Variants in DLG2 observed in about 807,000 individuals in gnomAD.
DLG2 encodes discs large MAGUK scaffold protein 2.
A neutral mutation model predicts 132.5 loss-of-function variants in DLG2; 45 were observed. The ratio of observed to expected loss-of-function variants is 0.34; its 90% CI spans 0.27 to 0.44. The LOEUF (loss-of-function observed/expected upper bound fraction) is 0.44. Among genes scored for constraint, DLG2 ranks in the 20% least tolerant of loss-of-function variants. The pLI is 1.00. For synonymous variants in DLG2, 424 were observed against 419.6 expected (o/e 1.01, Z -0.13); for missense variants, 1,045 against 1,196.9 (o/e 0.87, Z 1.87).
At position 83,778,899 on chromosome 11, in the gene DLG2, G is replaced by T. The variant is rs532762063; in HGVS notation, c.1825+7791C>A. Among the ~76,000 whole-genome samples the T allele has an allele frequency of 4.9e-4, 75 of 152,220 alleles. 1 individual carries two copies. In the Middle Eastern group the frequency reaches 0.041, roughly 83 times the overall value. ...AGGAAACAAAGGCAACTAGGAGAAG[G>T]TTATTAAAAGGATACAATAAGTGAA... On this transcript the variant is annotated intron_variant, in intron 18 of 27. Transcript: ENST00000376104.
At chr11:85,271,362 C>T (rs1477116132) in intron 4 of DLG2, among the ~76,000 whole-genome samples, 2 of 152,238 alleles carry the variant, frequency 1.3e-5, no homozygotes, top group African/African-American at 4.8e-5. Flanking sequence ...TTTGCTGCAG[C>T]GGTGGGGCAC....
intron 6 of DLG2, among the ~76,000 whole-genome samples, chr11:85,053,632 C>CAAAAAAAAAAAAAAAAAAAAAAA (rs574119257): frequency 1.1e-5 from 1 of 91,180 alleles, no homozygotes; most frequent in African/African-American, 4.7e-5. Flanking sequence ...ACTAAAAATA[C>CAAAAAAAAAAAAAAAAAAAAAAA]AAAAAAAAAA....
chr11:83,639,701 T>C (rs942947282), intron 18 of DLG2, among the ~76,000 whole-genome samples: 1 of 150,860 alleles, frequency 6.6e-6, no homozygotes, highest in Non-Finnish European at 1.5e-5. Flanking sequence ...GGCACATGTA[T>C]ACATATGTAA....
intron 7 of DLG2, among the ~76,000 whole-genome samples, chr11:84,427,211 G>T (rs564530977): frequency 6.6e-6 from 1 of 152,060 alleles, no homozygotes; most frequent in East Asian, 1.9e-4. Flanking sequence ...TAAATGAATG[G>T]TAGGAAGAAA....
chr11:85,506,261 T>G (rs1052736753), intron 3 of DLG2, among the ~76,000 whole-genome samples: 1 of 152,222 alleles, frequency 6.6e-6, no homozygotes, highest in Non-Finnish European at 1.5e-5. Flanking sequence ...CTGCTAGCTT[T>G]TGAATGTGTT....
chr11:84,477,750 A>G (rs904764076), intron 7 of DLG2, among the ~76,000 whole-genome samples: 7 of 152,204 alleles, frequency 4.6e-5, no homozygotes, highest in Admixed American at 1.3e-4. Flanking sequence ...TCTTGGGAGA[A>G]TATGAACATT....
intron 18 of DLG2, among the ~76,000 whole-genome samples, chr11:83,690,567 A>T (rs2080805451): frequency 1.3e-5 from 2 of 151,542 alleles, no homozygotes; most frequent in Non-Finnish European, 2.9e-5. Flanking sequence ...AACACTTATA[A>T]GGGGCAGACA....
At chr11:85,133,845 C>T (rs1312885074) in intron 5 of DLG2, among the ~76,000 whole-genome samples, 1 of 152,184 alleles carries the variant, frequency 6.6e-6, no homozygotes, top group African/African-American at 2.4e-5. Flanking sequence ...CCCCAAATCC[C>T]TCCCTTTCTT....
chr11:84,767,679 T>C (rs534787412), intron 6 of DLG2, among the ~76,000 whole-genome samples: 9 of 152,112 alleles, frequency 5.9e-5, no homozygotes, highest in Non-Finnish European at 1.3e-4. Flanking sequence ...GGAAAACTTG[T>C]AGTGGATAAA....
intron 4 of DLG2, among the ~76,000 whole-genome samples, chr11:85,170,059 A>G (rs150676328): frequency 3.9e-5 from 6 of 152,352 alleles, no homozygotes; most frequent in African/African-American, 1.4e-4. Flanking sequence ...ACATAATTTT[A>G]ATTCAATAAA....
At chr11:83,592,342 A>G (rs2097202649) in intron 19 of DLG2, among the ~76,000 whole-genome samples, 1 of 147,610 alleles carries the variant, frequency 6.8e-6, no homozygotes, top group Admixed American at 6.9e-5. Context: ...AACACCGCAT[A>G]TCTACAACTA....
At chr11:84,275,582 C>A (rs1269944061) in intron 7 of DLG2, among the ~76,000 whole-genome samples, 1 of 152,186 alleles carries the variant, frequency 6.6e-6, no homozygotes, top group South Asian at 2.1e-4. Flanking sequence ...GTCTTGATCT[C>A]CTGACCTCGT....
chr11:84,264,816 C>T (rs1325713141), intron 7 of DLG2, among the ~76,000 whole-genome samples: 2 of 152,110 alleles, frequency 1.3e-5, no homozygotes, highest in African/African-American at 4.8e-5. Context: ...GTATCTTATG[C>T]TTTTATGTCA....
chr11:85,331,922 A>C (rs1182398052), intron 3 of DLG2, among the ~76,000 whole-genome samples: 2 of 152,220 alleles, frequency 1.3e-5, no homozygotes, highest in Admixed American at 6.5e-5. Context: ...TGCTACAATA[A>C]ACATACAAGT....
intron 7 of DLG2, among the ~76,000 whole-genome samples, chr11:84,418,411 C>T (rs2098937282): frequency 6.6e-6 from 1 of 152,112 alleles, no homozygotes; most frequent in Admixed American, 6.5e-5. Flanking sequence ...TTTATATACA[C>T]CATTTAATTT....
At chr11:83,924,713 C>G (rs936668926) in intron 15 of DLG2, among the ~76,000 whole-genome samples, 3 of 151,978 alleles carry the variant, frequency 2.0e-5, no homozygotes, top group Non-Finnish European at 1.5e-5. Context: ...AGGGGCTTAC[C>G]ATAACTCTGG....
chr11:84,590,495 T>G (rs2154530495), intron 6 of DLG2, among the ~76,000 whole-genome samples: 1 of 152,308 alleles, frequency 6.6e-6, no homozygotes, highest in East Asian at 1.9e-4. Context: ...ACACAATTGT[T>G]AATTAATCTG....
At position 83,905,015 on chromosome 11, in the gene DLG2, C is replaced by T. The variant is rs889066036; in HGVS notation, c.1496+25313G>A. Among the ~76,000 whole-genome samples the T allele has an allele frequency of 4.6e-5, 7 of 152,266 alleles. No individual in the cohort carries two copies. In the South Asian group the frequency reaches 1.5e-3, roughly 32 times the overall value. ...ATCTGAGGTCCTTCATTGTTCTTGA[C>T]ATTCATTCCCTTGCTTAAACCAGCT... On this transcript the variant is annotated intron_variant, in intron 15 of 27. Transcript: ENST00000376104.
chr11:84,436,268 G>A (rs1244886745), intron 7 of DLG2, among the ~76,000 whole-genome samples: 1 of 152,114 alleles, frequency 6.6e-6, no homozygotes, highest in Non-Finnish European at 1.5e-5. Flanking sequence ...AGGCTCTAAA[G>A]TCAGAACCCC....
Sources: allele counts gnomAD v4.1 joint callset (sites outside exome capture counted in the v4.1 genomes callset), GRCh38; gene constraint gnomAD v4.1.1; transcripts MANE v1.5; gene names NCBI Gene and HGNC (gene_info 2026-07-23, HGNC 2026-07-21).